Variants in ST6GAL2 observed in about 807,000 individuals in gnomAD.
The protein encoded by ST6GAL2 is ST6 beta-galactoside alpha-2,6-sialyltransferase 2.
Under a neutral mutation model 37.5 loss-of-function variants are expected in ST6GAL2, and 24 were observed. The observed-to-expected ratio is 0.64, with a 90% CI of 0.46 to 0.90. The LOEUF is 0.90. Ranked by LOEUF, ST6GAL2 falls within the 40% of genes least tolerant of loss-of-function variation. The pLI, the probability that ST6GAL2 is intolerant of heterozygous loss-of-function variation, is 0.00. For synonymous variants in ST6GAL2, 306 were observed against 295.1 expected (o/e 1.04, Z -0.38); for missense variants, 715 against 712.7 (o/e 1.00, Z -0.04).
chr2:106,872,820 G>C lies in ST6GAL2; in HGVS notation c.-58+13273C>G, dbSNP rs145083186. On this transcript the variant is annotated intron_variant, in intron 1 of 5. Coordinates refer to ENST00000409382, the MANE Select transcript of ST6GAL2 (RefSeq NM_001142351.2). The stretch of plus-strand genomic sequence containing the variant: ...GTTCCTTTTGTTTTAAACTTCATGT[G>C]CTTTCATTACATCCTGTGAAGTTCT... Among the ~76,000 whole-genome samples the C allele has an allele frequency of 1.7e-3, 260 of 152,078 alleles. 1 individual carries two copies. The highest frequency in any genetic ancestry group is 3.2e-3 in the Non-Finnish European group (215 of 67,992).
chr2:106,874,714 A>G (rs559485512), intron 1 of ST6GAL2, among the ~76,000 whole-genome samples: 1 of 152,336 alleles, frequency 6.6e-6, no homozygotes, highest in East Asian at 1.9e-4. Flanking sequence ...GCTGAAGCCC[A>G]AGAAACACTT....
intron 4 of ST6GAL2, 108 bp from the exon 5 acceptor site, chr2:106,830,348 A>T (rs1477468637): frequency 1.2e-6 from 1 of 836,986 alleles, no homozygotes; most frequent in Non-Finnish European, 1.9e-6. Flanking sequence ...GGGCTAGAGG[A>T]TGGGGAAAGA....
intron 1 of ST6GAL2, among the ~76,000 whole-genome samples, chr2:106,881,946 A>G (rs1359856509): frequency 6.6e-6 from 1 of 152,206 alleles, no homozygotes; most frequent in Non-Finnish European, 1.5e-5. Context: ...AGTAACTCAA[A>G]GCAGATGGAT....
chr2:106,809,210 G>C (rs1361010352), intron 5 of ST6GAL2, among the ~76,000 whole-genome samples: 1 of 152,262 alleles, frequency 6.6e-6, no homozygotes, highest in African/African-American at 2.4e-5. Flanking sequence ...CATGACATCT[G>C]CTCTGCCAGC....
At chr2:106,836,393 A>G in intron 2 of ST6GAL2, among the ~76,000 whole-genome samples, 1 of 152,156 alleles carries the variant, frequency 6.6e-6, no homozygotes. Context: ...TACGAGGGCT[A>G]GTTTCTTAGG....
intron 1 of ST6GAL2, among the ~76,000 whole-genome samples, chr2:106,884,904 CGCATAT>C (rs1240762667): frequency 7.3e-4 from 30 of 41,148 alleles, no homozygotes; most frequent in African/African-American, 5.3e-3. Flanking sequence ...AAATTTGCAG[CGCATAT>C]ATATATATAT....
rs1259038981 is a variant in ST6GAL2 at position 106,830,084 on chromosome 2, G to C, written c.1300C>G (p.Pro434Ala). 7.4e-6 allele frequency: 12 copies of C among 1,613,876 alleles called. No homozygotes were observed. Among genetic ancestry groups the C allele is most frequent in the Non-Finnish European group, 1.0e-5 (12 of 1,179,982 alleles). Residue 434 changes from proline to alanine, a missense_variant, in exon 5 of 6, where the codon CCA becomes GCA. Around this residue, in one of 3 missense-constraint regions of ST6GAL2, gnomAD observed 198 missense variants for 203.6 expected, o/e 0.97. Transcript: ENST00000409382. ...CACCTACCAATGAAACCAGAAGATG[G>C]TGGGTTTGGTTGAATCTTCTCTTTA... ...NTKEKIQPNP[P>A]SSGFIGILIM...
At chr2:106,869,914 C>T (rs1175677749) in intron 1 of ST6GAL2, among the ~76,000 whole-genome samples, 1 of 152,176 alleles carries the variant, frequency 6.6e-6, no homozygotes, top group Non-Finnish European at 1.5e-5. Context: ...ACCTTTGAGC[C>T]AGGGAGACAG....
chr2:106,852,834 G>GA (rs1311327547), intron 1 of ST6GAL2, among the ~76,000 whole-genome samples: 2 of 152,198 alleles, frequency 1.3e-5, no homozygotes, highest in Non-Finnish European at 2.9e-5. Context: ...CACGAGCAGC[G>GA]AAGGTATCCC....
At chr2:106,873,921 T>G (rs1678385312) in intron 1 of ST6GAL2, among the ~76,000 whole-genome samples, 2 of 152,232 alleles carry the variant, frequency 1.3e-5, no homozygotes, top group African/African-American at 4.8e-5. Flanking sequence ...GGAGCTCTAT[T>G]CATGGAGATT....
intron 1 of ST6GAL2, among the ~76,000 whole-genome samples, chr2:106,868,065 C>T (rs763244272): frequency 7.2e-5 from 11 of 152,274 alleles, no homozygotes; most frequent in Admixed American, 4.6e-4. Context: ...CTAGACATGA[C>T]GCCAATTCTA....
chr2:106,884,120 CGG>C, intron 1 of ST6GAL2, among the ~76,000 whole-genome samples: 1 of 149,208 alleles, frequency 6.7e-6, no homozygotes. Context: ...AAGAGAAACT[CGG>C]GGGTGGGGGG....
At chr2:106,876,899 A>G (rs1573323436) in intron 1 of ST6GAL2, among the ~76,000 whole-genome samples, 1 of 152,202 alleles carries the variant, frequency 6.6e-6, no homozygotes. Context: ...TGTGGACAGA[A>G]GCAGCACATT....
Position 106,801,940 on chromosome 2 carries a change from A to G in ST6GAL2, c.*4738T>C, listed in dbSNP as rs1675274696. The G allele has an allele frequency of 6.6e-6, 1 of 152,132 alleles. No individual in the cohort carries two copies. The highest frequency in any genetic ancestry group is 2.1e-4 in the South Asian group (1 of 4,756). The allele number at this position is 152,132 out of a possible 1,614,324, so 9.4% of individuals were successfully genotyped here. ...CAATTTCTTTGTTTCCAATCTACCT[A>G]GCAAGAAGACTATTTTCCATAGAAC... is the stretch of plus-strand genomic sequence containing the variant. On this transcript the variant is annotated 3_prime_UTR_variant, in exon 6 of 6. Transcript: ENST00000409382.
chr2:106,853,232 G>A (rs780086530), intron 1 of ST6GAL2, among the ~76,000 whole-genome samples: 5 of 152,174 alleles, frequency 3.3e-5, no homozygotes, highest in Non-Finnish European at 7.3e-5. Flanking sequence ...TTCCCAGTTA[G>A]GCTTTACAAT....
chr2:106,852,393 G>C (rs1441541674), intron 1 of ST6GAL2, among the ~76,000 whole-genome samples: 1 of 152,224 alleles, frequency 6.6e-6, no homozygotes, highest in Non-Finnish European at 1.5e-5. Context: ...GGCCGACCCA[G>C]TGACCTCGCT....
At chr2:106,821,605 T>C (rs1026839687) in intron 5 of ST6GAL2, among the ~76,000 whole-genome samples, 4 of 151,864 alleles carry the variant, frequency 2.6e-5, no homozygotes, top group Non-Finnish European at 5.9e-5. Context: ...GAAGAACTAA[T>C]ACCAATCTTA....
intron 1 of ST6GAL2, among the ~76,000 whole-genome samples, chr2:106,853,924 C>A (rs912667002): frequency 2.0e-5 from 3 of 152,122 alleles, no homozygotes; most frequent in African/African-American, 7.2e-5. Context: ...GACTCAGTGG[C>A]CTGTTTGTTT....
intron 2 of ST6GAL2, among the ~76,000 whole-genome samples, chr2:106,839,745 C>T (rs1002267743): frequency 6.6e-6 from 1 of 152,144 alleles, no homozygotes; most frequent in African/African-American, 2.4e-5. Context: ...ACTGGTGGTT[C>T]AGAGCAGACC....
Sources: allele counts gnomAD v4.1 joint callset (sites outside exome capture counted in the v4.1 genomes callset), GRCh38; gene constraint gnomAD v4.1.1; regional missense constraint gnomAD v4.1.1; transcripts MANE v1.5; gene names NCBI Gene and HGNC (gene_info 2026-07-23, HGNC 2026-07-21).